The following MYO16 variants were observed in gnomAD, a reference collection of about 807,000 sequenced individuals.
MYO16 encodes the protein myosin XVI.
Under a neutral mutation model 205.3 loss-of-function variants are expected in MYO16, and 94 were observed. The observed-to-expected ratio is 0.46, with a 90% CI of 0.39 to 0.54. The LOEUF is 0.54. Among genes scored for constraint, MYO16 ranks in the 20% least tolerant of loss-of-function variants. The probability of loss-of-function intolerance (pLI) is 0.00; values close to 1 mark genes in which losing one functional copy is unlikely to be tolerated. For missense variants in MYO16, 2,315 were observed against 2,387.5 expected (o/e 0.97, Z 0.63); for synonymous variants, 988 against 954.0 (o/e 1.04, Z -0.66).
intron 3 of MYO16, among the ~76,000 whole-genome samples, chr13:108,716,785 A>C (rs1265909876): frequency 1.3e-5 from 2 of 152,184 alleles, no homozygotes; most frequent in Non-Finnish European, 2.9e-5. Flanking sequence ...GAAATTACTT[A>C]GTTGTGTTTA....
chr13:108,751,795 C>A (rs1169622471), intron 4 of MYO16, among the ~76,000 whole-genome samples: 1 of 152,058 alleles, frequency 6.6e-6, no homozygotes, highest in Non-Finnish European at 1.5e-5. Flanking sequence ...TCATGAATAC[C>A]CCAACTGAGG....
At chr13:108,574,238 T>C in the MYO16 span, among the ~76,000 whole-genome samples, 548 of 152,318 alleles carry the variant, frequency 3.6e-3, 4 homozygotes, top group African/African-American at 0.012. Flanking sequence ...TCATGACTTA[T>C]GTCTCTTGTT....
intron 23 of MYO16, among the ~76,000 whole-genome samples, chr13:109,032,985 T>G (rs9521135): frequency 0.013 from 1,996 of 152,210 alleles, 20 homozygotes; most frequent in Non-Finnish European, 0.018. Flanking sequence ...TACATGTAAA[T>G]TATGGATAAT....
At chr13:108,497,930 T>A in the MYO16 span, among the ~76,000 whole-genome samples, 1 of 152,180 alleles carries the variant, frequency 6.6e-6, no homozygotes, top group African/African-American at 2.4e-5. Context: ...TATTGCCTTC[T>A]CCTTGAGAAA....
intron 21 of MYO16, among the ~76,000 whole-genome samples, chr13:108,998,232 T>C (rs778430845): frequency 4.6e-5 from 7 of 152,188 alleles, no homozygotes; most frequent in South Asian, 2.1e-4. Context: ...GATGAGAAAA[T>C]TGAGACTGCT....
At chr13:108,560,596 T>G in the MYO16 span, among the ~76,000 whole-genome samples, 1 of 152,222 alleles carries the variant, frequency 6.6e-6, no homozygotes, top group Non-Finnish European at 1.5e-5. Context: ...CATTTAAATT[T>G]GGATATCTAA....
chr13:108,848,383 G>A (rs1566367035), intron 10 of MYO16, among the ~76,000 whole-genome samples: 1 of 152,200 alleles, frequency 6.6e-6, no homozygotes, highest in Non-Finnish European at 1.5e-5. Flanking sequence ...TCAAAGCTTA[G>A]AAATGCGTTC....
chr13:108,876,889 A>G (rs1879352133), intron 12 of MYO16, among the ~76,000 whole-genome samples: 1 of 152,012 alleles, frequency 6.6e-6, no homozygotes, highest in Non-Finnish European at 1.5e-5. Context: ...GATGGTCTCA[A>G]TCTCCTGACC....
intron 21 of MYO16, among the ~76,000 whole-genome samples, chr13:109,003,993 G>T (rs963153789): frequency 6.6e-6 from 1 of 152,160 alleles, no homozygotes; most frequent in Non-Finnish European, 1.5e-5. Flanking sequence ...TATAATGTGG[G>T]TATGTCTTGT....
chr13:108,559,470 CTTTTTTTTTT>C, the MYO16 span, among the ~76,000 whole-genome samples: 4 of 87,414 alleles, frequency 4.6e-5, no homozygotes, highest in Non-Finnish European at 6.8e-5. Context: ...TTTTTCTTTT[CTTTTTTTTTT>C]TTTTTTTTTT....
Position 108,785,653 on chromosome 13 carries a change from C to T in MYO16, c.526C>T (p.Leu176Phe). The T allele has an allele frequency of 6.2e-7, 1 of 1,611,430 alleles. No individual in the cohort carries two copies. Among genetic ancestry groups the T allele is most frequent in the South Asian group, 1.1e-5 (1 of 90,592 alleles). Residue 176 changes from leucine (L) to phenylalanine (F), a missense_variant, in exon 5 of 35, where the codon CTC becomes TTC. Around this residue, in one of 3 missense-constraint regions of MYO16, gnomAD observed 1,213 missense variants for 1,274.4 expected, o/e 0.95. Transcript: ENST00000457511. ...TATCTAGGCTGGAGCCAATGTCCTTCTCCAGGATGTGAATGGAAATATCCC... is the reference window on the plus strand; with the variant it reads ...TATCTAGGCTGGAGCCAATGTCCTTTTCCAGGATGTGAATGGAAATATCCC... ...LLVLAGANVL[L>F]QDVNGNIPLD...
At chr13:108,792,979 A>G (rs917515997) in intron 5 of MYO16, among the ~76,000 whole-genome samples, 60 of 152,340 alleles carry the variant, frequency 3.9e-4, no homozygotes, top group African/African-American at 1.3e-3. Flanking sequence ...AACAGATATT[A>G]ATTGAAAACC....
intron 7 of MYO16, among the ~76,000 whole-genome samples, chr13:108,817,982 C>T (rs1875725243): frequency 6.6e-6 from 1 of 152,126 alleles, no homozygotes; most frequent in Non-Finnish European, 1.5e-5. Context: ...TGGTAATTTT[C>T]ACTTGATGAA....
At chr13:108,784,902 T>C (rs986239566) in intron 4 of MYO16, among the ~76,000 whole-genome samples, 2 of 152,166 alleles carry the variant, frequency 1.3e-5, no homozygotes, top group Non-Finnish European at 1.5e-5. Flanking sequence ...AGACAGTTCA[T>C]GTGAGTGATT....
intron 4 of MYO16, among the ~76,000 whole-genome samples, chr13:108,762,708 A>C (rs907622490): frequency 2.4e-4 from 37 of 152,234 alleles, no homozygotes; most frequent in African/African-American, 8.9e-4. Context: ...ACCTCAAAAA[A>C]TGCAACTACA....
chr13:108,603,884 G>C (rs936654869), intron 1 of MYO16, among the ~76,000 whole-genome samples: 1 of 151,854 alleles, frequency 6.6e-6, no homozygotes, highest in African/African-American at 2.4e-5. Context: ...TAAATATATT[G>C]AGTGCCTGTA....
intron 34 of MYO16, among the ~76,000 whole-genome samples, chr13:109,197,806 A>C (rs1244505906): frequency 6.6e-6 from 1 of 152,222 alleles, no homozygotes; most frequent in African/African-American, 2.4e-5. Context: ...CAAATTGACC[A>C]CTTGAGTAGA....
chr13:108,724,626 T>A (rs1372693652), intron 3 of MYO16, among the ~76,000 whole-genome samples: 60 of 152,178 alleles, frequency 3.9e-4, no homozygotes, highest in Non-Finnish European at 2.9e-5. Context: ...CAATTTTAAC[T>A]CTTTAGCGGT....
At chr13:108,826,156 AC>A (rs1876252270) in intron 9 of MYO16, among the ~76,000 whole-genome samples, 2 of 152,168 alleles carry the variant, frequency 1.3e-5, no homozygotes, top group South Asian at 4.1e-4. Context: ...GAGAACTCAC[AC>A]AACCCTATTT....
Sources: allele counts gnomAD v4.1 joint callset (sites outside exome capture counted in the v4.1 genomes callset), GRCh38; gene constraint gnomAD v4.1.1; regional missense constraint gnomAD v4.1.1; transcripts MANE v1.5; gene names NCBI Gene and HGNC (gene_info 2026-07-23, HGNC 2026-07-21).